The following LRRC72 variants were observed in gnomAD, a reference collection of about 807,000 sequenced individuals.
LRRC72 encodes the protein leucine rich repeat containing 72.
LRRC72 carries 41 observed loss-of-function variants against 35.8 expected under a neutral mutation model. The observed-to-expected ratio is 1.15, with a 90% CI of 0.89 to 1.49. The LOEUF (loss-of-function observed/expected upper bound fraction) is 1.49, where lower values mean the gene tolerates loss of function less well. Ranked by LOEUF, LRRC72 falls within the 40% of genes most tolerant of loss-of-function variation. LRRC72 has a pLI of 0.00. For missense variants in LRRC72, 389 were observed against 330.7 expected (o/e 1.18, Z -1.37); for synonymous variants, 118 against 119.2 (o/e 0.99, Z 0.07).
chr7:16,527,809 A>T (rs780371267), intron 1 of LRRC72, among the ~76,000 whole-genome samples: 6 of 152,192 alleles, frequency 3.9e-5, no homozygotes, highest in Admixed American at 6.5e-5. Flanking sequence ...AGAATTTATC[A>T]TCAGAGAGGG....
intron 1 of LRRC72, among the ~76,000 whole-genome samples, chr7:16,531,253 A>C (rs902508329): frequency 6.6e-6 from 1 of 151,868 alleles, no homozygotes; most frequent in Non-Finnish European, 1.5e-5. Flanking sequence ...AGCCTGATCC[A>C]ATGGGTTTTT....
At chr7:16,564,064 T>C (rs1025131185) in intron 5 of LRRC72, among the ~76,000 whole-genome samples, 9 of 152,204 alleles carry the variant, frequency 5.9e-5, no homozygotes, top group African/African-American at 1.9e-4. Context: ...TGGATAGTAA[T>C]GTCCTCAGAG....
At chr7:16,527,719 C>T (rs1782095883) in intron 1 of LRRC72, among the ~76,000 whole-genome samples, 1 of 152,068 alleles carries the variant, frequency 6.6e-6, no homozygotes, top group Non-Finnish European at 1.5e-5. Flanking sequence ...TGTGATTAAA[C>T]GAGGCCGAGA....
Position 16,581,495 on chromosome 7 carries a change from G to T in LRRC72, c.*6G>T. On this transcript the variant is annotated 3_prime_UTR_variant, in exon 9 of 9. Transcript: ENST00000401542. ...TCACAGTTACACTGAGATAAGCCCT[G>T]GTATTTCTAGATATCTTAGTGGTTT... The T allele has an allele frequency of 6.5e-7, 1 of 1,532,702 alleles. No individual in the cohort carries two copies. The highest frequency in any genetic ancestry group is 8.8e-7 in the Non-Finnish European group (1 of 1,139,428). The allele number at this position is 1,532,702 out of a possible 1,614,324, so 94.9% of individuals were successfully genotyped here.
chr7:16,550,601 A>C (rs62441151), intron 3 of LRRC72, among the ~76,000 whole-genome samples: 1 of 152,238 alleles, frequency 6.6e-6, no homozygotes, highest in Admixed American at 6.5e-5. Flanking sequence ...TCCCAGTTGC[A>C]ACAACTTTCA....
chr7:16,559,977 C>A (rs953054991), intron 5 of LRRC72, among the ~76,000 whole-genome samples: 1 of 151,488 alleles, frequency 6.6e-6, no homozygotes, highest in Non-Finnish European at 1.5e-5. Context: ...AAGGAACTAA[C>A]CTATTGGAAA....
chr7:16,578,461 G>T (rs1425424223), intron 7 of LRRC72, among the ~76,000 whole-genome samples: 1 of 152,200 alleles, frequency 6.6e-6, no homozygotes, highest in Admixed American at 6.5e-5. Context: ...CTGCACTCCA[G>T]CCTGGGCAAC....
intron 3 of LRRC72, among the ~76,000 whole-genome samples, chr7:16,547,823 G>A (rs1782475214): frequency 6.6e-6 from 1 of 152,220 alleles, no homozygotes; most frequent in Non-Finnish European, 1.5e-5. Flanking sequence ...CCCTTGGCAT[G>A]AACAACCTCA....
chr7:16,567,355 A>G, intron 6 of LRRC72, 36 bp from the exon 7 acceptor site: 1 of 1,335,390 alleles, frequency 7.5e-7, no homozygotes, highest in Non-Finnish European at 1.0e-6. Context: ...CCTATTTATA[A>G]TGTTATGCAA....
At chr7:16,553,736 A>G (rs368086862) in intron 3 of LRRC72, among the ~76,000 whole-genome samples, 79 of 152,268 alleles carry the variant, frequency 5.2e-4, no homozygotes, top group African/African-American at 1.8e-3. Flanking sequence ...TTGGTCCCAT[A>G]TATGTGGTTG....
chr7:16,560,547 C>G (rs1463994759), intron 5 of LRRC72, among the ~76,000 whole-genome samples: 1 of 152,056 alleles, frequency 6.6e-6, no homozygotes, highest in African/African-American at 2.4e-5. Context: ...ATTTGAGTCA[C>G]CTGGCCCCTG....
chr7:16,539,663 C>T (rs1003896054), intron 3 of LRRC72, among the ~76,000 whole-genome samples: 6 of 152,184 alleles, frequency 3.9e-5, no homozygotes, highest in South Asian at 2.1e-4. Flanking sequence ...CCCAGGGCCC[C>T]GCTGCTCTGT....
intron 1 of LRRC72, among the ~76,000 whole-genome samples, chr7:16,527,301 C>G (rs1170972772): frequency 6.6e-6 from 1 of 152,160 alleles, no homozygotes; most frequent in Non-Finnish European, 1.5e-5. Flanking sequence ...AGGTCCTAAT[C>G]CCCTGGGTGG....
Position 16,581,310 on chromosome 7 carries a change from C to CTT in LRRC72, c.699-6_699-5dup. 2.9e-6 allele frequency: 4 copies of CTT among 1,386,710 alleles called. No individual in the cohort carries two copies. Among genetic ancestry groups the CTT allele is most frequent in the East Asian group, 5.5e-5 (2 of 36,150 alleles). 85.9% of individuals were successfully genotyped at this position (1,386,710 alleles called of 1,614,324 possible). A position where few individuals can be genotyped will look rare whatever the true frequency, so the allele number is the denominator to read the frequency against. ...GATTGCTTTTTTTCTGACATAATTGCTTTTTTTTTGCAGAACTGTGCTTGA... is the reference window on the plus strand; with the variant it reads ...GATTGCTTTTTTTCTGACATAATTGCTTTTTTTTTTTGCAGAACTGTGCTTGA... On this transcript the variant is annotated splice_polypyrimidine_tract_variant and intron_variant, in intron 8 of 8. Coordinates refer to ENST00000401542, the MANE Select transcript of LRRC72 (RefSeq NM_001195280.2).
chr7:16,543,234 T>G (rs1307099689), intron 3 of LRRC72, among the ~76,000 whole-genome samples: 1 of 152,192 alleles, frequency 6.6e-6, no homozygotes. Context: ...ACTGTAGAAA[T>G]GATATAGAGA....
intron 2 of LRRC72, among the ~76,000 whole-genome samples, chr7:16,533,158 T>C (rs191539803): frequency 7.2e-5 from 11 of 152,212 alleles, no homozygotes; most frequent in Admixed American, 4.6e-4. Context: ...TTACTATTAT[T>C]AGGAATCATT....
chr7:16,533,421 A>G (rs886753), intron 2 of LRRC72, among the ~76,000 whole-genome samples: 114,507 of 152,024 alleles, frequency 0.75, 43,626 homozygotes, highest in East Asian at 1. Context: ...TGGCCGATAA[A>G]TGACACTGAA....
chr7:16,553,438 A>G (rs1376655117), intron 3 of LRRC72, among the ~76,000 whole-genome samples: 2 of 152,208 alleles, frequency 1.3e-5, no homozygotes, highest in Non-Finnish European at 2.9e-5. Flanking sequence ...GGGTCAAATA[A>G]ATAACATTGG....
At chr7:16,579,956 A>T (rs1344032553) in intron 7 of LRRC72, 118 bp from the exon 8 acceptor site, 5 of 216,088 alleles carry the variant, frequency 2.3e-5, no homozygotes, top group Non-Finnish European at 5.1e-5. Flanking sequence ...TTGCGTAAAG[A>T]ATAACTTGAA....
Sources: allele counts gnomAD v4.1 joint callset (sites outside exome capture counted in the v4.1 genomes callset), GRCh38; gene constraint gnomAD v4.1.1; transcripts MANE v1.5; gene names NCBI Gene and HGNC (gene_info 2026-07-23, HGNC 2026-07-21).